Variants in ACTN4 observed in about 807,000 individuals in gnomAD.
ACTN4 encodes the protein actinin alpha 4, also known as alpha-actinin-4.
In ACTN4, 18 loss-of-function variants were observed where a neutral mutation model predicts 114.2. The observed-to-expected ratio is 0.16, with a 90% CI of 0.11 to 0.23. ACTN4 has a LOEUF of 0.23. Ranked by LOEUF, ACTN4 falls within the 10% of genes least tolerant of loss-of-function variation. The probability of loss-of-function intolerance (pLI) is 1.00; values close to 1 mark genes in which losing one functional copy is unlikely to be tolerated. For synonymous variants in ACTN4, 515 were observed against 506.3 expected (o/e 1.02, Z -0.23); for missense variants, 722 against 1,262.9 (o/e 0.57, Z 6.49).
chr19:38,693,764 G>C (rs982952512), intron 1 of ACTN4, among the ~76,000 whole-genome samples: 1 of 152,206 alleles, frequency 6.6e-6, no homozygotes, highest in African/African-American at 2.4e-5. Flanking sequence ...TTTATGACCA[G>C]AGATGCTAGG....
At chr19:38,696,815 G>A (rs961072129) in intron 1 of ACTN4, among the ~76,000 whole-genome samples, 4 of 152,182 alleles carry the variant, frequency 2.6e-5, no homozygotes, top group African/African-American at 7.2e-5. Context: ...TCCCTTCTGC[G>A]TCATCCAGGC....
chr19:38,683,453 G>A (rs1967641574), intron 1 of ACTN4, among the ~76,000 whole-genome samples: 1 of 152,106 alleles, frequency 6.6e-6, no homozygotes, highest in African/African-American at 2.4e-5. Context: ...CTTGAGCCAG[G>A]CCCCGTGAAC....
At chr19:38,712,955 C>T (rs964765697) in intron 8 of ACTN4, among the ~76,000 whole-genome samples, 6 of 135,312 alleles carry the variant, frequency 4.4e-5, no homozygotes, top group African/African-American at 1.1e-4. Flanking sequence ...GTCACTGGCC[C>T]CTCTCTGAGG....
chr19:38,678,733 C>T (rs1439601711), intron 1 of ACTN4, among the ~76,000 whole-genome samples: 1 of 152,288 alleles, frequency 6.6e-6, no homozygotes. Context: ...ACCTTCTTCG[C>T]TGTCAGTGGT....
chr19:38,728,436 T>TCCCCCCC, intron 19 of ACTN4: 1 of 953,842 alleles, frequency 1.0e-6, no homozygotes, highest in South Asian at 1.5e-5. Flanking sequence ...CTCCTCCTCC[T>TCCCCCCC]CCTCCTCCTC....
chr19:38,730,770 G>T lies in ACTN4; in HGVS notation c.*1338G>T. 1 of 1,509,486 alleles carries T rather than the reference G, an allele frequency of 6.6e-7. No homozygotes were observed. Among genetic ancestry groups the T allele is most frequent in the South Asian group, 1.2e-5 (1 of 83,162 alleles). 93.5% of individuals were successfully genotyped at this position (1,509,486 alleles called of 1,614,324 possible). A position where few individuals can be genotyped will look rare whatever the true frequency, so the allele number is the denominator to read the frequency against. ...AGACAGGTGGATGCCAGAGAGAGTG[G>T]CACCCATGCCAGGCAAGGCCTAGGG... is the stretch of plus-strand genomic sequence containing the variant. On this transcript the variant is annotated 3_prime_UTR_variant, in exon 21 of 21. Transcript: ENST00000252699.
rs1969290689 is a variant in ACTN4, at chr19:38,727,781, C to T, written c.2338-165C>T. 1 of 680,792 alleles carries T rather than the reference C, an allele frequency of 1.5e-6. No homozygotes were observed. Among genetic ancestry groups the T allele is most frequent in the African/African-American group, 1.8e-5 (1 of 56,344 alleles). 42.2% of individuals were successfully genotyped at this position (680,792 alleles called of 1,614,324 possible). On this transcript the variant is annotated intron_variant, in intron 18 of 20. Coordinates refer to ENST00000252699, the MANE Select transcript of ACTN4 (RefSeq NM_004924.6). This position sits in a 1 kb window ranked among gnomAD's most constrained non-coding sequence, Gnocchi z 5.4. ...AGGATGAAAGGGGCCCGTGCCGCCC[C>T]CGACCCCACGTGTCCCTGGCCATCT...
Position 38,690,849 on chromosome 19 carries a change from A to G in ACTN4, c.163-9751A>G, listed in dbSNP as rs190607785. 1.3e-3 allele frequency among the ~76,000 whole-genome samples: 199 copies of G among 152,380 alleles called. 4 individuals carry two copies. The South Asian group carries it at 0.027, about 21-fold the overall frequency. ...GGTATGTTATGTGAATTACATTTCA[A>G]TTTTTAAAAATTGATTCTCCAAATT... On this transcript the variant is annotated intron_variant, in intron 1 of 20. Transcript: ENST00000252699.
chr19:38,655,092 T>A (rs1431948712), intron 1 of ACTN4, among the ~76,000 whole-genome samples: 1 of 152,184 alleles, frequency 6.6e-6, no homozygotes, highest in East Asian at 1.9e-4. Flanking sequence ...ATTTGTGATT[T>A]TCCATAACCA....
chr19:38,689,288 G>GA (rs1410348396), intron 1 of ACTN4, among the ~76,000 whole-genome samples: 8 of 152,294 alleles, frequency 5.3e-5, no homozygotes, highest in Admixed American at 2.0e-4. Flanking sequence ...GCTGAACCTT[G>GA]AAAACATGCT....
intron 6 of ACTN4, 64 bp from the exon 7 acceptor site, chr19:38,709,331 C>T: frequency 7.8e-7 from 1 of 1,283,402 alleles, no homozygotes; most frequent in South Asian, 1.2e-5. Context: ...CCAGCCCTGC[C>T]TCCCTCCTGC....
chr19:38,720,082 G>A (rs1031865988), intron 11 of ACTN4, among the ~76,000 whole-genome samples: 6 of 152,220 alleles, frequency 3.9e-5, no homozygotes, highest in Admixed American at 1.3e-4. Flanking sequence ...TAGCAGTTAC[G>A]TGAAACAGGA....
chr19:38,731,148 T>C lies in ACTN4; in HGVS notation c.*1716T>C. 2.5e-6 allele frequency: 4 copies of C among 1,612,904 alleles called. No individual in the cohort carries two copies. The highest frequency in any genetic ancestry group is 3.4e-6 in the Non-Finnish European group (4 of 1,179,934). ...GTGGGCCACACAGGACACGAACCGC[T>C]CGAAGTCCACACGCAGACGGCTATC... On this transcript the variant is annotated 3_prime_UTR_variant, in exon 21 of 21. Coordinates refer to ENST00000252699, the MANE Select transcript of ACTN4 (RefSeq NM_004924.6).
intron 1 of ACTN4, among the ~76,000 whole-genome samples, chr19:38,664,977 C>T (rs558295567): frequency 5.8e-4 from 89 of 152,240 alleles, no homozygotes; most frequent in Non-Finnish European, 1.0e-3. Flanking sequence ...GGAGGAGCCA[C>T]CTGCTCAGCT....
chr19:38,673,716 T>TTC (rs1568690937), intron 1 of ACTN4, among the ~76,000 whole-genome samples: 2 of 88,100 alleles, frequency 2.3e-5, no homozygotes, highest in South Asian at 3.1e-4. Context: ...TATTTATATA[T>TTC]TTATATATAC....
Position 38,724,635 on chromosome 19 carries a change from G to A in ACTN4, c.2010+70G>A, listed in dbSNP as rs1223525288. On this transcript the variant is annotated intron_variant, in intron 16 of 20. Transcript: ENST00000252699. This position sits in a 1 kb window ranked among gnomAD's most constrained non-coding sequence, Gnocchi z 7.0. ...AGCTCCCGTAGTGAGGGGGTCCCCG[G>A]CCAGCCCAGGGCCTGCAGACTGAGG... The A allele has an allele frequency of 1.2e-6, 2 of 1,606,308 alleles. No homozygotes were observed. The highest frequency in any genetic ancestry group is 2.7e-5 in the African/African-American group (2 of 74,898).
At chr19:38,706,197 C>T in intron 5 of ACTN4, 66 bp downstream of exon 5, 1 of 1,520,002 alleles carries the variant, frequency 6.6e-7, no homozygotes, top group South Asian at 1.1e-5. Flanking sequence ...TCCCACCTGC[C>T]CTGTTTGCTG....
chr19:38,677,874 A>G (rs1305540395), intron 1 of ACTN4, among the ~76,000 whole-genome samples: 1 of 152,042 alleles, frequency 6.6e-6, no homozygotes, highest in African/African-American at 2.4e-5. Context: ...TTACAGGTGC[A>G]CACCACCATA....
chr19:38,668,346 G>C (rs775805934), intron 1 of ACTN4, among the ~76,000 whole-genome samples: 30 of 152,158 alleles, frequency 2.0e-4, no homozygotes, highest in Non-Finnish European at 3.8e-4. Flanking sequence ...TAGGCTTGGA[G>C]ATACAACAAG....
Sources: gnomAD v4.1 joint callset for allele counts (sites outside exome capture counted in the v4.1 genomes callset) on GRCh38, gnomAD v4.1.1 for gene constraint, Gnocchi (gnomAD v3.1) non-coding constraint, MANE v1.5 for transcripts, NCBI Gene and HGNC (gene_info 2026-07-23, HGNC 2026-07-21) for gene names.